The following DLGAP2 variants were observed in gnomAD, a reference collection of about 807,000 sequenced individuals.
The protein encoded by DLGAP2 is disks large-associated protein 2.
DLGAP2 carries 26 observed loss-of-function variants against 100.3 expected under a neutral mutation model. The ratio of observed to expected loss-of-function variants is 0.26; its 90% CI spans 0.19 to 0.36. DLGAP2 has a LOEUF of 0.36. Ranked by LOEUF, DLGAP2 falls within the 10% of genes least tolerant of loss-of-function variation. The pLI, the probability that DLGAP2 is intolerant of heterozygous loss-of-function variation, is 1.00. For synonymous variants in DLGAP2, 886 were observed against 630.1 expected (o/e 1.41, Z -6.08); for missense variants, 1,858 against 1,453.2 (o/e 1.28, Z -4.53).
At chr8:1,686,576 A>G (rs922714759) in intron 12 of DLGAP2, among the ~76,000 whole-genome samples, 2 of 152,110 alleles carry the variant, frequency 1.3e-5, no homozygotes, top group African/African-American at 4.8e-5. Flanking sequence ...CAGGAGGCTG[A>G]GACAGGAGAA....
At chr8:1,666,869 A>G (rs1798556845) in intron 8 of DLGAP2, among the ~76,000 whole-genome samples, 1 of 152,140 alleles carries the variant, frequency 6.6e-6, no homozygotes, top group Non-Finnish European at 1.5e-5. Context: ...AGGGATGGGA[A>G]GTGTCCTGCA....
intron 2 of DLGAP2, among the ~76,000 whole-genome samples, chr8:1,057,936 A>G (rs1315743845): frequency 6.6e-6 from 1 of 152,216 alleles, no homozygotes; most frequent in Admixed American, 6.5e-5. Flanking sequence ...GGACCCAGAG[A>G]CATCAAGCTG....
intron 2 of DLGAP2, among the ~76,000 whole-genome samples, chr8:948,690 G>A (rs2129007112): frequency 6.6e-6 from 1 of 152,350 alleles, no homozygotes; most frequent in South Asian, 2.1e-4. Flanking sequence ...CCGGCCCCAC[G>A]TCTCCCTGCT....
intron 2 of DLGAP2, among the ~76,000 whole-genome samples, chr8:1,098,613 G>A (rs149986288): frequency 0.14 from 13,665 of 97,886 alleles, 1,080 homozygotes; most frequent in East Asian, 0.23. Context: ...CCGCCCACGG[G>A]CGCCGCCACC....
intron 3 of DLGAP2, among the ~76,000 whole-genome samples, chr8:1,308,645 C>G (rs912197099): frequency 6.6e-6 from 1 of 152,180 alleles, no homozygotes; most frequent in Admixed American, 6.5e-5. Context: ...CCTGCCTCAG[C>G]CTCCTGACTA....
intron 3 of DLGAP2, among the ~76,000 whole-genome samples, chr8:1,344,821 A>G (rs533724075): frequency 1.5e-3 from 223 of 152,332 alleles, no homozygotes; most frequent in Admixed American, 4.9e-3. Context: ...GACTCACAGC[A>G]GGTACAGAAC....
chr8:1,195,680 C>T (rs1010629009), intron 2 of DLGAP2, among the ~76,000 whole-genome samples: 6 of 151,992 alleles, frequency 3.9e-5, no homozygotes, highest in African/African-American at 9.7e-5. Context: ...TGTTTATGGA[C>T]GTCTTATCAG....
intron 2 of DLGAP2, among the ~76,000 whole-genome samples, chr8:1,201,282 C>A (rs563729687): frequency 6.6e-6 from 1 of 152,174 alleles, no homozygotes; most frequent in Non-Finnish European, 1.5e-5. Flanking sequence ...AGCCGAAGTC[C>A]CCAGCATCCC....
intron 6 of DLGAP2, among the ~76,000 whole-genome samples, chr8:1,579,977 C>T (rs527706439): frequency 1.4e-4 from 22 of 152,168 alleles, no homozygotes; most frequent in African/African-American, 5.1e-4. Flanking sequence ...CTGCACCTGA[C>T]CTGATGGCCT....
At position 1,276,217 on chromosome 8, in the gene DLGAP2, C is replaced by G. The variant is rs977497731; in HGVS notation, c.106+17334C>G. On this transcript the variant is annotated intron_variant, in intron 3 of 14. Coordinates refer to ENST00000637795, the MANE Select transcript of DLGAP2 (RefSeq NM_001346810.2). ...CTCAACTCCAATCAACACTCCCCCC[C>G]CGACCCTAGCTCTCAATGTTATATT... is the stretch of plus-strand genomic sequence containing the variant. 3.3e-5 allele frequency among the ~76,000 whole-genome samples: 5 copies of G among 150,774 alleles called. No homozygotes were observed. In the East Asian group the frequency reaches 7.8e-4, roughly 23 times the overall value.
chr8:1,661,565 C>T (rs1351501604), intron 8 of DLGAP2, among the ~76,000 whole-genome samples: 1 of 152,250 alleles, frequency 6.6e-6, no homozygotes, highest in African/African-American at 2.4e-5. Context: ...AGAAATGTAA[C>T]CATGTATGGG....
At chr8:787,322 A>T (rs1400729536) in intron 1 of DLGAP2, among the ~76,000 whole-genome samples, 2 of 152,146 alleles carry the variant, frequency 1.3e-5, no homozygotes, top group Non-Finnish European at 2.9e-5. Flanking sequence ...ACGTTCTGTG[A>T]TGCTGAGGAC....
chr8:901,594 G>A (rs911526530), intron 1 of DLGAP2, among the ~76,000 whole-genome samples: 2 of 152,238 alleles, frequency 1.3e-5, no homozygotes, highest in East Asian at 1.9e-4. Context: ...GAGAAATGCC[G>A]GGTAGGGGTT....
chr8:1,204,795 G>A (rs1413418198), intron 2 of DLGAP2, among the ~76,000 whole-genome samples: 2 of 152,152 alleles, frequency 1.3e-5, no homozygotes, highest in African/African-American at 4.8e-5. Flanking sequence ...GGTTCTTAGG[G>A]GCAGTAGAGT....
At chr8:1,531,529 T>C (rs920666970) in intron 4 of DLGAP2, among the ~76,000 whole-genome samples, 1 of 152,180 alleles carries the variant, frequency 6.6e-6, no homozygotes, top group Non-Finnish European at 1.5e-5. Flanking sequence ...GAAGGAAATG[T>C]TTTCTTATTT....
intron 3 of DLGAP2, among the ~76,000 whole-genome samples, chr8:1,287,193 A>G (rs111659465): frequency 5.2e-5 from 5 of 95,472 alleles, no homozygotes; most frequent in African/African-American, 1.4e-4. Flanking sequence ...GAGGGGAACT[A>G]GTTTTGGTTC....
At chr8:984,894 A>G (rs979800449) in intron 2 of DLGAP2, among the ~76,000 whole-genome samples, 1 of 152,180 alleles carries the variant, frequency 6.6e-6, no homozygotes, top group Non-Finnish European at 1.5e-5. Flanking sequence ...GTCTGTTACT[A>G]TTGATCATCA....
chr8:994,042 G>A (rs534510822), intron 2 of DLGAP2, among the ~76,000 whole-genome samples: 39 of 152,240 alleles, frequency 2.6e-4, no homozygotes, highest in Admixed American at 2.5e-3. Flanking sequence ...CTTAAACCCA[G>A]CAGGCGTTGC....
chr8:902,895 G>T (rs1286429251), intron 1 of DLGAP2, among the ~76,000 whole-genome samples: 39 of 67,356 alleles, frequency 5.8e-4, no homozygotes, highest in African/African-American at 2.3e-3. Flanking sequence ...AGGGGTGGGT[G>T]GGTGGAACGT....
Sources: gnomAD v4.1 joint callset for allele counts (sites outside exome capture counted in the v4.1 genomes callset) on GRCh38, gnomAD v4.1.1 for gene constraint, MANE v1.5 for transcripts, NCBI Gene and HGNC (gene_info 2026-07-23, HGNC 2026-07-21) for gene names.